Variants in BPHL observed in about 807,000 individuals in gnomAD.
BPHL encodes the protein biphenyl hydrolase like, also known as serine hydrolase BPHL.
BPHL carries 27 observed loss-of-function variants against 31.2 expected under a neutral mutation model. The observed-to-expected ratio is 0.87, with a 90% CI of 0.64 to 1.19. The LOEUF (loss-of-function observed/expected upper bound fraction) is 1.19. Among genes scored for constraint, BPHL ranks in the 50% most tolerant of loss-of-function variants. The probability of loss-of-function intolerance (pLI) is 0.00; values close to 1 mark genes in which losing one functional copy is unlikely to be tolerated. For synonymous variants in BPHL, 150 were observed against 146.8 expected (o/e 1.02, Z -0.16); for missense variants, 356 against 375.7 (o/e 0.95, Z 0.43).
intron 5 of BPHL, 142 bp downstream of exon 5, chr6:3,137,635 G>A: frequency 7.8e-7 from 1 of 1,285,600 alleles, no homozygotes; most frequent in Non-Finnish European, 1.1e-6. Context: ...GAGAATACTA[G>A]TTCTTGTGTA....
At chr6:3,119,247 G>A in intron 1 of BPHL, 2 of 1,515,744 alleles carry the variant, frequency 1.3e-6, no homozygotes, top group South Asian at 1.2e-5. Flanking sequence ...CCACACTAAG[G>A]GCATAAGGAC....
intron 6 of BPHL, among the ~76,000 whole-genome samples, chr6:3,145,196 G>A (rs62391675): frequency 0.29 from 13,357 of 46,676 alleles, 2,850 homozygotes; most frequent in Non-Finnish European, 0.38. Context: ...TGGAGTGCTG[G>A]TTCGGGGTGG....
intron 1 of BPHL, chr6:3,119,420 G>C: frequency 6.2e-7 from 1 of 1,611,300 alleles, no homozygotes; most frequent in Middle Eastern, 1.6e-4. Context: ...AGAATCCTGG[G>C]CCTCACTCCC....
intron 6 of BPHL, among the ~76,000 whole-genome samples, chr6:3,145,200 G>GT (rs1762298601): frequency 1.1e-5 from 1 of 87,970 alleles, no homozygotes; most frequent in African/African-American, 4.3e-5. Flanking sequence ...GTGCTGGTTC[G>GT]GGGTGGAGTG....
intron 4 of BPHL, 142 bp from the exon 5 acceptor site, chr6:3,137,220 C>T (rs993756682): frequency 5.3e-5 from 59 of 1,117,508 alleles, no homozygotes; most frequent in Non-Finnish European, 6.9e-5. Context: ...AGGGCTAAGC[C>T]GAGCAGAGGG....
chr6:3,128,106 A>G (rs775134493), intron 3 of BPHL, among the ~76,000 whole-genome samples: 2 of 152,210 alleles, frequency 1.3e-5, no homozygotes, highest in Non-Finnish European at 2.9e-5. Flanking sequence ...GGCATGAGCC[A>G]CCACACCTGG....
rs199604558 is a variant in BPHL, at chr6:3,130,664, C to CA, written c.532+1470dup. ...GTCTTTGATTTTGCTTCTTGGCCAG[C>CA]AAAACCTAAAATATTTATTTACTCT... On this transcript the variant is annotated intron_variant, in intron 4 of 6. Transcript: ENST00000380379. 8.4e-3 allele frequency among the ~76,000 whole-genome samples: 1,285 copies of CA among 152,268 alleles called. 28 individuals carry two copies. The highest frequency in any genetic ancestry group is 0.03 in the African/African-American group (1,238 of 41,540).
intron 1 of BPHL, chr6:3,119,492 C>A: frequency 1.2e-6 from 2 of 1,614,046 alleles, no homozygotes; most frequent in Non-Finnish European, 1.7e-6. Flanking sequence ...TTTTGTCCTC[C>A]CACCTGTCCC....
intron 6 of BPHL, among the ~76,000 whole-genome samples, chr6:3,148,548 C>T (rs774104423): frequency 7.9e-5 from 12 of 152,258 alleles, no homozygotes; most frequent in Non-Finnish European, 1.5e-4. Context: ...GGACTGCCTC[C>T]AGCCTGGACG....
intron 6 of BPHL, among the ~76,000 whole-genome samples, chr6:3,141,447 A>T (rs1043099510): frequency 1.3e-5 from 2 of 152,154 alleles, no homozygotes; most frequent in Non-Finnish European, 2.9e-5. Context: ...GGCTAACTGC[A>T]ACCTCCGCCT....
chr6:3,152,461 C>T lies in BPHL; in HGVS notation c.789-27C>T, dbSNP rs146440496. ...TGTTCTTAAGTGGTGGGCCATTGAC[C>T]CAAAGTATTTTTAATTCCTTTTTTA... On this transcript the variant is annotated intron_variant, in intron 6 of 6. Coordinates refer to ENST00000380379, the MANE Select transcript of BPHL (RefSeq NM_004332.4). The T allele has an allele frequency of 9.0e-4, 1,443 of 1,607,356 alleles. 7 individuals are homozygous for T. The African/African-American group carries it at 0.012, about 14-fold the overall frequency.
chr6:3,144,980 G>A (rs1481854426), intron 6 of BPHL, among the ~76,000 whole-genome samples: 1 of 152,266 alleles, frequency 6.6e-6, no homozygotes, highest in Non-Finnish European at 1.5e-5. Context: ...AACTAAAGGG[G>A]AGGGAGAGGG....
chr6:3,152,485 T>C lies in BPHL; in HGVS notation c.789-3T>C. 1 of 1,612,864 alleles carries C rather than the reference T, an allele frequency of 6.2e-7. No individual in the cohort carries two copies. Among genetic ancestry groups the C allele is most frequent in the Non-Finnish European group, 8.5e-7 (1 of 1,179,338 alleles). ...CCCAAAGTATTTTTAATTCCTTTTT[T>C]AGGCTGCATTTGATGCCAGAAGGCA... On this transcript the variant is annotated splice_region_variant and splice_polypyrimidine_tract_variant and intron_variant, in intron 6 of 6. Coordinates refer to ENST00000380379, the MANE Select transcript of BPHL (RefSeq NM_004332.4).
At position 3,128,466 on chromosome 6, in the gene BPHL, G is replaced by A. The variant is rs192405114; in HGVS notation, c.379-579G>A. On this transcript the variant is annotated intron_variant, in intron 3 of 6. Coordinates refer to ENST00000380379, the MANE Select transcript of BPHL (RefSeq NM_004332.4). ...AGTCATTCCATTCTTTTTTCTTGGC[G>A]GCCTCTCTAAGATGTAATCTTTGTC... Among the ~76,000 whole-genome samples the A allele has an allele frequency of 3.8e-4, 57 of 151,890 alleles. 1 individual carries two copies. Among genetic ancestry groups the A allele is most frequent in the African/African-American group, 1.3e-3 (54 of 41,428 alleles).
At chr6:3,128,298 C>A (rs1761772800) in intron 3 of BPHL, among the ~76,000 whole-genome samples, 1 of 152,136 alleles carries the variant, frequency 6.6e-6, no homozygotes, top group African/African-American at 2.4e-5. Flanking sequence ...GGGAGAATTT[C>A]ATACACATTT....
intron 6 of BPHL, among the ~76,000 whole-genome samples, chr6:3,141,760 G>A (rs1762184392): frequency 6.6e-6 from 1 of 152,100 alleles, no homozygotes; most frequent in African/African-American, 2.4e-5. Flanking sequence ...GTTCACTTGA[G>A]GCCAGGAGTT....
intron 6 of BPHL, among the ~76,000 whole-genome samples, chr6:3,142,379 A>T (rs1405112615): frequency 2.0e-5 from 3 of 152,158 alleles, no homozygotes. Context: ...GGCCTCCCAA[A>T]GTGCTGGGAT....
chr6:3,138,212 G>A (rs748665063), intron 5 of BPHL: 1 of 321,502 alleles, frequency 3.1e-6, no homozygotes, highest in Non-Finnish European at 6.0e-6. Flanking sequence ...TAGAGACAGG[G>A]TTTCACCATG....
rs1423298951 is a variant in BPHL at position 3,127,385 on chromosome 6, A to T, written c.355A>T (p.Lys119Ter). 1 of 1,607,798 alleles carries T rather than the reference A, an allele frequency of 6.2e-7. No individual in the cohort carries two copies. The highest frequency in any genetic ancestry group is 1.1e-5 in the South Asian group (1 of 90,224). The change falls in exon 3 of 7, where the codon AAA (lysine) becomes TAA (stop). Residue 119 changes from lysine (K) to a stop codon, truncating the protein, a stop_gained. Coordinates refer to ENST00000380379, the MANE Select transcript of BPHL (RefSeq NM_004332.4). LOFTEE classifies it high-confidence loss of function. ...AGCAGACTTTTTTGAAAGGGATGCA[A>T]AAGATGCTGTTGATTTGATGAAGGT... ...FPADFFERDA[K>*]DAVDLMKALK...
Sources: gnomAD v4.1 joint callset for allele counts (sites outside exome capture counted in the v4.1 genomes callset) on GRCh38, gnomAD v4.1.1 for gene constraint, MANE v1.5 for transcripts, NCBI Gene and HGNC (gene_info 2026-07-23, HGNC 2026-07-21) for gene names.